KCNQ3: variants seen among roughly 807,000 people sequenced by gnomAD.
KCNQ3 encodes the protein potassium voltage-gated channel subfamily Q member 3.
A neutral mutation model predicts 92.5 loss-of-function variants in KCNQ3; 30 were observed. The observed-to-expected ratio is 0.32, with a 90% CI of 0.24 to 0.44. KCNQ3 has a LOEUF of 0.44. KCNQ3 is among the 20% of genes least tolerant of loss of function. The pLI is 1.00. For missense variants in KCNQ3, 913 were observed against 1,140.3 expected, an observed-to-expected ratio of 0.80 and a Z score of 2.87; for synonymous variants, 450 against 468.8, an observed-to-expected ratio of 0.96 and a Z score of 0.52.
intron 1 of KCNQ3, among the ~76,000 whole-genome samples, chr8:132,318,743 T>C (rs751110413): frequency 3.9e-5 from 6 of 152,220 alleles, no homozygotes; most frequent in Non-Finnish European, 8.8e-5. Context: ...ACGGATGTGA[T>C]GTGTTCACTC....
intron 9 of KCNQ3, among the ~76,000 whole-genome samples, chr8:132,160,527 A>T (rs1825952559): frequency 6.6e-6 from 1 of 152,174 alleles, no homozygotes; most frequent in African/African-American, 2.4e-5. Flanking sequence ...TCTAGAGAGG[A>T]AGAGAGGATT....
rs919892057 is a variant in KCNQ3 at position 132,123,495 on chromosome 8, A to G, written c.*5767T>C. On this transcript the variant is annotated 3_prime_UTR_variant, in exon 15 of 15. Coordinates refer to ENST00000388996, the MANE Select transcript of KCNQ3 (RefSeq NM_004519.4). The stretch of plus-strand genomic sequence containing the variant: ...GAGAAGGGAAGAAGTCCCCAAAGGT[A>G]TGTCCGGTTTAACAGTTTCTCAAGT... 1 of 152,354 alleles carries G rather than the reference A, an allele frequency of 6.6e-6. No individual in the cohort carries two copies. Among genetic ancestry groups the G allele is most frequent in the East Asian group, 1.9e-4 (1 of 5,182 alleles). The allele number at this position is 152,354 out of a possible 1,614,324, so 9.4% of individuals were successfully genotyped here.
At chr8:132,239,399 T>A (rs568857814) in intron 1 of KCNQ3, among the ~76,000 whole-genome samples, 20 of 152,330 alleles carry the variant, frequency 1.3e-4, no homozygotes, top group African/African-American at 4.8e-4. Flanking sequence ...TAAGTACCAC[T>A]AAGGTTACTG....
At chr8:132,332,356 C>T (rs923658784) in intron 1 of KCNQ3, among the ~76,000 whole-genome samples, 3 of 152,196 alleles carry the variant, frequency 2.0e-5, no homozygotes, top group Non-Finnish European at 4.4e-5. Flanking sequence ...AAGCCATGCT[C>T]CCATCAGAGG....
chr8:132,386,709 G>A (rs1235494139), intron 1 of KCNQ3, among the ~76,000 whole-genome samples: 1 of 152,064 alleles, frequency 6.6e-6, no homozygotes, highest in Non-Finnish European at 1.5e-5. Context: ...TTGCCAACTG[G>A]TCATCTATTA....
intron 1 of KCNQ3, among the ~76,000 whole-genome samples, chr8:132,288,059 TAA>T (rs1375687029): frequency 6.6e-6 from 1 of 152,232 alleles, no homozygotes; most frequent in East Asian, 1.9e-4. Context: ...CTTGTATGCA[TAA>T]GTTATTTTTT....
chr8:132,236,378 A>G (rs1432326721), intron 1 of KCNQ3, among the ~76,000 whole-genome samples: 3 of 152,236 alleles, frequency 2.0e-5, no homozygotes, highest in Admixed American at 2.0e-4. Flanking sequence ...AAATCTTTGA[A>G]GCTCGCAGGG....
chr8:132,127,118 C>T lies in KCNQ3; in HGVS notation c.*2144G>A, dbSNP rs944106704. The T allele has an allele frequency of 5.3e-5, 8 of 152,136 alleles. No individual in the cohort carries two copies. The highest frequency in any genetic ancestry group is 1.7e-4 in the African/African-American group (7 of 41,426). The allele number at this position is 152,136 out of a possible 1,614,324, so 9.4% of individuals were successfully genotyped here. ...GCATAGGGTTTCTTAGGTTGTAATC[C>T]CCACTGGCACTTTCAGCCATATTGA... is the stretch of plus-strand genomic sequence containing the variant. On this transcript the variant is annotated 3_prime_UTR_variant, in exon 15 of 15. Coordinates refer to ENST00000388996, the MANE Select transcript of KCNQ3 (RefSeq NM_004519.4).
chr8:132,432,473 T>C (rs181011231), intron 1 of KCNQ3, among the ~76,000 whole-genome samples: 2 of 152,288 alleles, frequency 1.3e-5, no homozygotes, highest in African/African-American at 4.8e-5. Context: ...AGTTGAACAC[T>C]CTGGGTTGAA....
intron 1 of KCNQ3, among the ~76,000 whole-genome samples, chr8:132,351,599 G>A (rs11995561): frequency 0.44 from 66,337 of 151,976 alleles, 16,556 homozygotes; most frequent in African/African-American, 0.68. Context: ...GGCCCTCCCA[G>A]TGGATGACCA....
intron 1 of KCNQ3, among the ~76,000 whole-genome samples, chr8:132,206,249 C>T (rs1174236810): frequency 6.6e-6 from 1 of 152,168 alleles, no homozygotes; most frequent in East Asian, 1.9e-4. Context: ...CCTCCCAGCC[C>T]TCTAATTCTG....
chr8:132,318,526 T>C (rs1363967279), intron 1 of KCNQ3, among the ~76,000 whole-genome samples: 2 of 152,374 alleles, frequency 1.3e-5, no homozygotes, highest in Admixed American at 6.5e-5. Flanking sequence ...GGGCTTGTCA[T>C]GCAGTTACTA....
chr8:132,453,789 G>A (rs1821878690), intron 1 of KCNQ3, among the ~76,000 whole-genome samples: 1 of 152,162 alleles, frequency 6.6e-6, no homozygotes, highest in Non-Finnish European at 1.5e-5. Flanking sequence ...GGTTGTGGGG[G>A]AACAGCAGTG....
intron 1 of KCNQ3, among the ~76,000 whole-genome samples, chr8:132,379,324 G>A (rs960698281): frequency 1.3e-5 from 2 of 151,976 alleles, no homozygotes; most frequent in South Asian, 4.2e-4. Context: ...TTCAGATGAG[G>A]AAGAAATCAA....
intron 1 of KCNQ3, among the ~76,000 whole-genome samples, chr8:132,458,108 A>C (rs917025136): frequency 2.6e-5 from 4 of 152,080 alleles, no homozygotes; most frequent in African/African-American, 9.7e-5. Context: ...CTGGTCCAGG[A>C]CTTGCCACCT....
chr8:132,128,878 A>AAAC lies in KCNQ3; in HGVS notation c.*381_*383dup. The AAAC allele has an allele frequency of 4.5e-6, 1 of 223,208 alleles. No homozygotes were observed. Among genetic ancestry groups the AAAC allele is most frequent in the East Asian group, 9.8e-5 (1 of 10,176 alleles). The allele number at this position is 223,208 out of a possible 1,614,324, so 13.8% of individuals were successfully genotyped here. On this transcript the variant is annotated 3_prime_UTR_variant, in exon 15 of 15. Coordinates refer to ENST00000388996, the MANE Select transcript of KCNQ3 (RefSeq NM_004519.4). ...AGGGCAGTGATCCTAGAAATAACTT[A>AAAC]AACTACTTTCTCTGCTTACCAAACC...
At chr8:132,234,051 C>T (rs1443442481) in intron 1 of KCNQ3, among the ~76,000 whole-genome samples, 1 of 152,184 alleles carries the variant, frequency 6.6e-6, no homozygotes, top group African/African-American at 2.4e-5. Flanking sequence ...TAAACTAGAA[C>T]ATACCAGGAC....
intron 1 of KCNQ3, among the ~76,000 whole-genome samples, chr8:132,478,579 C>A (rs1822466131): frequency 6.6e-6 from 1 of 151,952 alleles, no homozygotes; most frequent in South Asian, 2.1e-4. Flanking sequence ...GAAAGAGCAA[C>A]AATTGTTAAG....
chr8:132,301,297 C>T (rs1817208766), intron 1 of KCNQ3, among the ~76,000 whole-genome samples: 1 of 152,128 alleles, frequency 6.6e-6, no homozygotes, highest in South Asian at 2.1e-4. Context: ...TATCCCACTC[C>T]TATCAGGTCA....
Sources: allele counts gnomAD v4.1 joint callset (sites outside exome capture counted in the v4.1 genomes callset), GRCh38; gene constraint gnomAD v4.1.1; transcripts MANE v1.5; gene names NCBI Gene and HGNC (gene_info 2026-07-23, HGNC 2026-07-21).